Variants in DNMBP observed in about 807,000 individuals in gnomAD.
DNMBP encodes dynamin binding protein, also known as dynamin-binding protein.
A neutral mutation model predicts 150.0 loss-of-function variants in DNMBP; 87 were observed. The ratio of observed to expected loss-of-function variants is 0.58; its 90% CI spans 0.49 to 0.69. DNMBP has a LOEUF of 0.69. DNMBP is among the 30% of genes least tolerant of loss of function. DNMBP has a pLI of 0.00. For synonymous variants in DNMBP, 711 were observed against 750.4 expected (o/e 0.95, Z 0.86); for missense variants, 1,774 against 1,949.0 (o/e 0.91, Z 1.69).
At chr10:99,988,558 A>G (rs945154532) in intron 1 of DNMBP, among the ~76,000 whole-genome samples, 7 of 152,220 alleles carry the variant, frequency 4.6e-5, no homozygotes, top group Non-Finnish European at 8.8e-5. Flanking sequence ...CAACACTGAA[A>G]CGAGACAAAG....
chr10:100,001,821 G>C (rs959574590), intron 1 of DNMBP, among the ~76,000 whole-genome samples: 4 of 152,196 alleles, frequency 2.6e-5, no homozygotes, highest in African/African-American at 9.6e-5. Context: ...GTGACAACCT[G>C]GGAGGACTGA....
chr10:99,990,943 T>G (rs1335360400), intron 1 of DNMBP, among the ~76,000 whole-genome samples: 2 of 152,122 alleles, frequency 1.3e-5, no homozygotes, highest in African/African-American at 2.4e-5. Context: ...CATCTCATTT[T>G]TTAAAAACAG....
intron 11 of DNMBP, among the ~76,000 whole-genome samples, chr10:99,892,713 T>TG (rs1226163149): frequency 1.3e-5 from 2 of 149,388 alleles, no homozygotes; most frequent in African/African-American, 5.0e-5. Context: ...CCCATGACCC[T>TG]GCCAAATCCC....
Position 99,876,721 on chromosome 10 carries a change from T to C in DNMBP, c.*430A>G, listed in dbSNP as rs555314767. The C allele has an allele frequency of 3.8e-4, 58 of 154,544 alleles. No individual in the cohort carries two copies. The highest frequency in any genetic ancestry group is 2.3e-3 in the South Asian group (11 of 4,876). The allele number at this position is 154,544 out of a possible 1,614,324, so 9.6% of individuals were successfully genotyped here. A position where few individuals can be genotyped will look rare whatever the true frequency, so the allele number is the denominator to read the frequency against. On this transcript the variant is annotated 3_prime_UTR_variant, in exon 17 of 17. Transcript: ENST00000324109. ...CTCACGGGGTGCCCAGAGCCATGAATTCTTTTCATCTGAGTTGGCATCCGG... is the reference window on the plus strand; with the variant it reads ...CTCACGGGGTGCCCAGAGCCATGAACTCTTTTCATCTGAGTTGGCATCCGG...
intron 15 of DNMBP, among the ~76,000 whole-genome samples, chr10:99,881,895 A>G (rs2039372786): frequency 6.6e-6 from 1 of 152,224 alleles, no homozygotes; most frequent in South Asian, 2.1e-4. Context: ...GATAGGGACC[A>G]CAATCCCTAC....
intron 4 of DNMBP, among the ~76,000 whole-genome samples, chr10:99,949,771 T>C (rs1279787498): frequency 6.6e-6 from 1 of 152,142 alleles, no homozygotes; most frequent in Non-Finnish European, 1.5e-5. Flanking sequence ...AATAAACTAA[T>C]TCTGAAAATG....
chr10:99,970,971 CAAAAAA>C lies in DNMBP; in HGVS notation c.145+1003_145+1008del, dbSNP rs532226561. 8.0e-3 allele frequency among the ~76,000 whole-genome samples: 264 copies of C among 33,176 alleles called. 6 individuals carry two copies. The highest frequency in any genetic ancestry group is 0.023 in the African/African-American group (227 of 10,044). The allele number at this position is 33,176 out of a possible 152,430, so 21.8% of individuals were successfully genotyped here. ...TGGGCAACAGAGCAAGACTCCGTCT[CAAAAAA>C]AAAAAAAAAAAAAAAAAAAAAGGAA... is the stretch of plus-strand genomic sequence containing the variant. On this transcript the variant is annotated intron_variant, in intron 2 of 16. Transcript: ENST00000324109.
At chr10:99,972,160 G>T in intron 1 of DNMBP, 26 bp from the exon 2 acceptor site, 2 of 1,588,222 alleles carry the variant, frequency 1.3e-6, no homozygotes, top group Non-Finnish European at 1.7e-6. Flanking sequence ...AAGAGAAATA[G>T]AAAACATCAA....
intron 4 of DNMBP, chr10:99,930,136 TC>T (rs2040132552): frequency 1.4e-6 from 1 of 702,794 alleles, no homozygotes; most frequent in Admixed American, 2.0e-5. Context: ...TCAGGATAAC[TC>T]CCAGGAACAT....
intron 3 of DNMBP, among the ~76,000 whole-genome samples, chr10:99,963,988 T>C (rs2040590263): frequency 6.6e-6 from 1 of 152,162 alleles, no homozygotes; most frequent in Non-Finnish European, 1.5e-5. Context: ...TATTTTTTAT[T>C]GGCCTGTTGT....
At chr10:99,943,584 T>C (rs1302323682) in intron 4 of DNMBP, among the ~76,000 whole-genome samples, 2 of 152,120 alleles carry the variant, frequency 1.3e-5, no homozygotes, top group African/African-American at 2.4e-5. Flanking sequence ...GTATTTCTTT[T>C]AGGAACGGGG....
At chr10:99,933,687 G>C (rs575224398) in intron 4 of DNMBP, among the ~76,000 whole-genome samples, 3 of 152,300 alleles carry the variant, frequency 2.0e-5, no homozygotes, top group African/African-American at 7.2e-5. Flanking sequence ...CTGTGTTCTC[G>C]ATGGATGGCC....
intron 11 of DNMBP, 35 bp from the exon 12 acceptor site, chr10:99,888,988 GAC>G: frequency 6.2e-7 from 1 of 1,608,770 alleles, no homozygotes; most frequent in Non-Finnish European, 8.5e-7. Context: ...AGTCAGAACA[GAC>G]AGAACTTTCC....
chr10:99,932,301 T>G (rs1170929648), intron 4 of DNMBP, among the ~76,000 whole-genome samples: 1 of 152,170 alleles, frequency 6.6e-6, no homozygotes, highest in Non-Finnish European at 1.5e-5. Context: ...TGGAACTCAA[T>G]CTACCCATCA....
intron 1 of DNMBP, among the ~76,000 whole-genome samples, chr10:100,009,430 G>T (rs1419408215): frequency 1.3e-5 from 2 of 152,256 alleles, no homozygotes; most frequent in Non-Finnish European, 2.9e-5. Context: ...CTCCTATGCC[G>T]TAAGGCTCCG....
chr10:99,987,707 C>T (rs1267492893), intron 1 of DNMBP, among the ~76,000 whole-genome samples: 6 of 151,204 alleles, frequency 4.0e-5, no homozygotes, highest in Non-Finnish European at 8.8e-5. Context: ...TGCACTCCTG[C>T]CTTGGCAACA....
chr10:99,929,848 C>A (rs1172597499), intron 4 of DNMBP: 2 of 702,952 alleles, frequency 2.8e-6, no homozygotes, highest in African/African-American at 3.5e-5. Context: ...CCCCCATGTG[C>A]CTTTGTTCTT....
intron 4 of DNMBP, chr10:99,929,484 G>A: frequency 3.4e-6 from 2 of 592,228 alleles, no homozygotes; most frequent in South Asian, 4.3e-5. Flanking sequence ...CTCACTCAAG[G>A]TGCACTTGAT....
At chr10:99,958,623 C>A (rs2040525704) in intron 3 of DNMBP, among the ~76,000 whole-genome samples, 1 of 152,206 alleles carries the variant, frequency 6.6e-6, no homozygotes, top group Non-Finnish European at 1.5e-5. Flanking sequence ...CTTGTATCTA[C>A]TACCATGGGC....
Sources: allele counts gnomAD v4.1 joint callset (sites outside exome capture counted in the v4.1 genomes callset), GRCh38; gene constraint gnomAD v4.1.1; transcripts MANE v1.5; gene names NCBI Gene and HGNC (gene_info 2026-07-23, HGNC 2026-07-21).